Variants in DACH2 observed in about 807,000 individuals in gnomAD.
DACH2 encodes the protein dachshund homolog 2.
A neutral mutation model predicts 35.8 loss-of-function variants in DACH2; 17 were observed. The observed-to-expected ratio is 0.48, with a 90% CI of 0.33 to 0.71. The LOEUF (loss-of-function observed/expected upper bound fraction) is 0.71. DACH2 is among the 30% of genes least tolerant of loss of function. The pLI is 0.02. For synonymous variants in DACH2, 195 were observed against 177.3 expected (o/e 1.10, Z -0.79); for missense variants, 469 against 472.7 (o/e 0.99, Z 0.07).
chrX:86,494,986 TATC>T (rs767817277), intron 2 of DACH2, among the ~76,000 whole-genome samples: 6 of 112,114 alleles, frequency 5.4e-5, no homozygotes, highest in Non-Finnish European at 1.1e-4. Flanking sequence ...ATAGCCAAAA[TATC>T]ATTGCAAAAT....
chrX:86,299,530 G>A (rs1463960591), intron 1 of DACH2, among the ~76,000 whole-genome samples: 1 of 111,947 alleles, frequency 8.9e-6, no homozygotes, highest in Non-Finnish European at 1.9e-5. Flanking sequence ...TATGTGTGTT[G>A]AGATATGATT....
chrX:86,174,116 GTTGTT>G (rs1393672619), intron 1 of DACH2, among the ~76,000 whole-genome samples: 4 of 89,458 alleles, frequency 4.5e-5, no homozygotes, highest in Admixed American at 2.5e-4. Context: ...CAAGAGTACA[GTTGTT>G]TTTTTTTTTT....
intron 2 of DACH2, among the ~76,000 whole-genome samples, chrX:86,476,367 C>G (rs990384356): frequency 8.1e-5 from 9 of 111,343 alleles, no homozygotes; most frequent in Non-Finnish European, 1.7e-4. Flanking sequence ...TTTATTTCTT[C>G]CTGGTTTAAT....
intron 1 of DACH2, among the ~76,000 whole-genome samples, chrX:86,319,084 C>G (rs886306989): frequency 1.8e-5 from 2 of 111,779 alleles, no homozygotes; most frequent in Admixed American, 1.9e-4. Context: ...TTTTACATAC[C>G]TGTTATAATT....
chrX:86,392,192 A>G (rs1053244417), intron 2 of DACH2, among the ~76,000 whole-genome samples: 1 of 111,660 alleles, frequency 9.0e-6, no homozygotes, highest in Non-Finnish European at 1.9e-5. Flanking sequence ...GTTGAAGGGT[A>G]TAAACATCCA....
At chrX:86,621,578 G>A (rs985192871) in intron 3 of DACH2, among the ~76,000 whole-genome samples, 5 of 110,621 alleles carry the variant, frequency 4.5e-5, no homozygotes, top group African/African-American at 6.5e-5. Flanking sequence ...TAGAACTTTC[G>A]AGTTAGATTA....
chrX:86,216,285 T>G (rs1227546724), intron 1 of DACH2, among the ~76,000 whole-genome samples: 1 of 111,593 alleles, frequency 9.0e-6, no homozygotes, highest in Non-Finnish European at 1.9e-5. Context: ...GGTATACATG[T>G]GCCATGTTGG....
At chrX:86,451,762 A>G (rs140626077) in intron 2 of DACH2, among the ~76,000 whole-genome samples, 400 of 110,687 alleles carry the variant, frequency 3.6e-3, no homozygotes, top group Middle Eastern at 0.023. Flanking sequence ...CTTTTTAAAG[A>G]GGTTCTTCAC....
intron 1 of DACH2, among the ~76,000 whole-genome samples, chrX:86,229,651 T>A (rs1365902956): frequency 9.0e-6 from 1 of 111,303 alleles, no homozygotes; most frequent in African/African-American, 3.3e-5. Context: ...GGTAGCAGTG[T>A]TTTGTAGTTT....
chrX:86,601,346 A>G lies in DACH2; in HGVS notation c.641-49690A>G, dbSNP rs143486187. ...ATTCTGTAGGAAGCTGTTAAATAAA[A>G]AGTATACTTAGTTACAGTAAAGAAA... is the stretch of plus-strand genomic sequence containing the variant. On this transcript the variant is annotated intron_variant, in intron 3 of 11. Coordinates refer to ENST00000373125, the MANE Select transcript of DACH2 (RefSeq NM_053281.3). Among the ~76,000 whole-genome samples, 278 of 112,170 alleles carry G rather than the reference A, an allele frequency of 2.5e-3. 5 individuals carry two copies. The East Asian group carries it at 0.029, about 12-fold the overall frequency.
rs1302357905 is a variant in DACH2, at chrX:86,153,260, A to G, written c.488+4152A>G. On this transcript the variant is annotated intron_variant, in intron 1 of 11. Transcript: ENST00000373125. ...CAAACAAATAGAATTCAGTTTTTAA[A>G]GTAAAATTTCCAATTGTGGTTTCTT... Among the ~76,000 whole-genome samples, 4 of 111,884 alleles carry G rather than the reference A, an allele frequency of 3.6e-5. No individual in the cohort carries two copies. The Admixed American group carries it at 3.8e-4, about 11-fold the overall frequency.
At chrX:86,473,253 T>A (rs895949968) in intron 2 of DACH2, among the ~76,000 whole-genome samples, 13 of 111,095 alleles carry the variant, frequency 1.2e-4, no homozygotes, top group African/African-American at 4.2e-4. Context: ...ATAGTAAGTA[T>A]ATATAGTTAT....
chrX:86,238,016 T>C (rs1602312604), intron 1 of DACH2, among the ~76,000 whole-genome samples: 1 of 112,343 alleles, frequency 8.9e-6, no homozygotes, highest in South Asian at 3.6e-4. Flanking sequence ...GTTTCAGCCC[T>C]GTTTGTGTTA....
At chrX:86,499,274 T>C (rs1210318170) in intron 2 of DACH2, among the ~76,000 whole-genome samples, 1 of 111,455 alleles carries the variant, frequency 9.0e-6, no homozygotes, top group Non-Finnish European at 1.9e-5. Context: ...TGTAAGAAGG[T>C]AAATGGCAGA....
intron 3 of DACH2, among the ~76,000 whole-genome samples, chrX:86,536,081 G>C (rs975284987): frequency 9.0e-6 from 1 of 111,157 alleles, no homozygotes; most frequent in Non-Finnish European, 1.9e-5. Context: ...AGTTTCAGGG[G>C]AAGGGGAAGG....
At chrX:86,672,827 T>C (rs2040780153) in intron 4 of DACH2, among the ~76,000 whole-genome samples, 1 of 111,482 alleles carries the variant, frequency 9.0e-6, no homozygotes, top group Non-Finnish European at 1.9e-5. Flanking sequence ...TTAGTGGAGC[T>C]GTGAGAAGAG....
intron 1 of DACH2, among the ~76,000 whole-genome samples, chrX:86,344,963 C>A (rs1174664537): frequency 8.9e-6 from 1 of 111,816 alleles, no homozygotes; most frequent in Admixed American, 9.6e-5. Context: ...CTGATAACCT[C>A]CTTTAGAAAC....
intron 2 of DACH2, among the ~76,000 whole-genome samples, chrX:86,475,565 A>C (rs1194067675): frequency 8.9e-6 from 1 of 112,242 alleles, no homozygotes; most frequent in African/African-American, 3.2e-5. Flanking sequence ...TTTGTTTATA[A>C]GTTCTAACAA....
intron 7 of DACH2, among the ~76,000 whole-genome samples, chrX:86,788,278 T>C (rs181285410): frequency 2.4e-4 from 27 of 110,997 alleles, no homozygotes; most frequent in Admixed American, 1.3e-3. Context: ...AAGCTGCTGA[T>C]CACCGGCTTC....
Sources: allele counts gnomAD v4.1 joint callset (sites outside exome capture counted in the v4.1 genomes callset), GRCh38; gene constraint gnomAD v4.1.1; transcripts MANE v1.5; gene names NCBI Gene and HGNC (gene_info 2026-07-23, HGNC 2026-07-21).